The following DENND4A variants were observed in gnomAD, a reference collection of about 807,000 sequenced individuals.
The protein encoded by DENND4A is C-myc promoter-binding protein.
In DENND4A, 70 loss-of-function variants were observed where a neutral mutation model predicts 199.3. The ratio of observed to expected loss-of-function variants is 0.35; its 90% CI spans 0.29 to 0.43. The LOEUF is 0.43. Ranked by LOEUF, DENND4A falls within the 20% of genes least tolerant of loss-of-function variation. DENND4A has a pLI of 1.00. For missense variants in DENND4A, 1,723 were observed against 2,255.8 expected, an observed-to-expected ratio of 0.76 and a Z score of 4.78; for synonymous variants, 686 against 766.9, an observed-to-expected ratio of 0.89 and a Z score of 1.74.
intron 1 of DENND4A, among the ~76,000 whole-genome samples, chr15:65,784,105 C>A (rs1405421253): frequency 3.3e-5 from 5 of 152,220 alleles, no homozygotes; most frequent in African/African-American, 9.6e-5. Context: ...TCTCCTCCCC[C>A]AAACCCATAA....
chr15:65,740,651 G>A (rs2076236261), intron 5 of DENND4A, among the ~76,000 whole-genome samples: 1 of 151,166 alleles, frequency 6.6e-6, no homozygotes, highest in African/African-American at 2.4e-5. Context: ...AAAAAAAGGT[G>A]ATAAATTGTA....
chr15:65,744,996 T>C (rs1182977528), intron 4 of DENND4A, among the ~76,000 whole-genome samples: 1 of 152,242 alleles, frequency 6.6e-6, no homozygotes, highest in Non-Finnish European at 1.5e-5. Flanking sequence ...TGTCTGAATA[T>C]AAATTATTTT....
intron 1 of DENND4A, among the ~76,000 whole-genome samples, chr15:65,778,638 C>A (rs1387590806): frequency 2.0e-5 from 3 of 152,042 alleles, no homozygotes; most frequent in African/African-American, 7.2e-5. Flanking sequence ...GTGGCTCATG[C>A]CTGTAATCCC....
At chr15:65,731,374 T>C (rs1162917739) in intron 9 of DENND4A, 1 of 494,534 alleles carries the variant, frequency 2.0e-6, no homozygotes, top group Non-Finnish European at 3.9e-6. Flanking sequence ...GTTCTCATCA[T>C]CTACATACAT....
intron 22 of DENND4A, among the ~76,000 whole-genome samples, chr15:65,691,756 C>T (rs1381379766): frequency 6.6e-6 from 1 of 151,950 alleles, no homozygotes; most frequent in African/African-American, 2.4e-5. Flanking sequence ...TTACCCAGTC[C>T]TTAAGAGACA....
At chr15:65,675,435 G>A (rs1045726578) in intron 24 of DENND4A, among the ~76,000 whole-genome samples, 1 of 151,728 alleles carries the variant, frequency 6.6e-6, no homozygotes, top group East Asian at 1.9e-4. Flanking sequence ...TACATTTGAT[G>A]ATATAGAATT....
chr15:65,778,309 T>C (rs1237487995), intron 1 of DENND4A, among the ~76,000 whole-genome samples: 1 of 152,138 alleles, frequency 6.6e-6, no homozygotes, highest in Non-Finnish European at 1.5e-5. Context: ...GAGGTTTTTC[T>C]TCTCTGGTGA....
chr15:65,760,429 C>T (rs914323293), intron 2 of DENND4A, among the ~76,000 whole-genome samples: 10 of 152,072 alleles, frequency 6.6e-5, no homozygotes, highest in African/African-American at 1.4e-4. Context: ...ACCTGGGAGG[C>T]GGAGGTTGCA....
intron 9 of DENND4A, among the ~76,000 whole-genome samples, chr15:65,730,700 G>C (rs55653428): frequency 6.6e-6 from 1 of 152,038 alleles, no homozygotes; most frequent in Non-Finnish European, 1.5e-5. Context: ...TGGTTGACTA[G>C]GGCTGCAGAG....
rs2075371919 is a variant in DENND4A at position 65,715,551 on chromosome 15, C to T, written c.1880G>A (p.Arg627His). 1.9e-6 allele frequency: 3 copies of T among 1,608,204 alleles called. No homozygotes were observed. The highest frequency in any genetic ancestry group is 8.5e-7 in the Non-Finnish European group (1 of 1,177,842). ...NMMTKTQMFI[R>H]FIEECSFVSD... ...AACAAAAGAACATTCTTCAATGAAG[C>T]GAATAAACATTTGTGTTTTGGTCAT... Residue 627 changes from arginine (R) to histidine (H), a missense_variant, in exon 14 of 33, where the codon CGC becomes CAC. This residue lies in a region of DENND4A where 725 missense variants were observed against 952.9 expected (regional missense o/e 0.76). Coordinates refer to ENST00000443035, the MANE Select transcript of DENND4A (RefSeq NM_001320835.1).
intron 13 of DENND4A, among the ~76,000 whole-genome samples, chr15:65,716,843 C>T (rs2075421973): frequency 6.6e-6 from 1 of 151,918 alleles, no homozygotes; most frequent in Non-Finnish European, 1.5e-5. Flanking sequence ...AATGGTTGAA[C>T]TAGTTTACAG....
chr15:65,730,204 C>T (rs1170034942), intron 9 of DENND4A, among the ~76,000 whole-genome samples: 2 of 151,914 alleles, frequency 1.3e-5, no homozygotes, highest in Non-Finnish European at 2.9e-5. Context: ...TCAAGAGGTA[C>T]AAGATGATAA....
At chr15:65,781,617 C>T (rs1402879116) in intron 1 of DENND4A, among the ~76,000 whole-genome samples, 2 of 152,016 alleles carry the variant, frequency 1.3e-5, no homozygotes, top group Admixed American at 6.6e-5. Context: ...TTGATGAAGT[C>T]AACAGTAGTC....
intron 1 of DENND4A, among the ~76,000 whole-genome samples, chr15:65,787,456 T>C (rs1417217224): frequency 1.3e-5 from 2 of 152,206 alleles, no homozygotes; most frequent in Non-Finnish European, 2.9e-5. Flanking sequence ...CTTTTTTGTC[T>C]CTTCTCTCTC....
intron 11 of DENND4A, chr15:65,727,866 C>T (rs1469466378): frequency 7.9e-6 from 3 of 379,314 alleles, no homozygotes; most frequent in African/African-American, 2.2e-5. Flanking sequence ...CTATAACTTA[C>T]ATATAAATTC....
chr15:65,681,865 G>A (rs2076589142), intron 23 of DENND4A, among the ~76,000 whole-genome samples: 2 of 152,078 alleles, frequency 1.3e-5, no homozygotes, highest in South Asian at 2.1e-4. Flanking sequence ...ACTGCACCTG[G>A]CAACTGCTTT....
At chr15:65,788,077 A>ATTTT (rs201917436) in intron 1 of DENND4A, among the ~76,000 whole-genome samples, 1 of 149,568 alleles carries the variant, frequency 6.7e-6, no homozygotes, top group Non-Finnish European at 1.5e-5. Flanking sequence ...TTATTTATTT[A>ATTTT]TTTATTTTTT....
At position 65,691,308 on chromosome 15, in the gene DENND4A, T is replaced by C. The variant is rs1324795661; in HGVS notation, c.3286A>G (p.Thr1096Ala). Residue 1096 changes from threonine to alanine, a missense_variant, in exon 23 of 33, where the codon ACC (threonine) becomes GCC (alanine). Coordinates refer to ENST00000443035, the MANE Select transcript of DENND4A (RefSeq NM_001320835.1). Reference sequence around the variant, plus strand: ...AATTTTTCAACTATATCTCCAGGGGTTGCTTCCTGGTTAATTCTATTGAGC... The same window carrying C: ...AATTTTTCAACTATATCTCCAGGGGCTGCTTCCTGGTTAATTCTATTGAGC... ...FMLNRINQEATPGDIVEKLGA... is the reference protein window; with the variant it reads ...FMLNRINQEAAPGDIVEKLGA... 1 of 1,613,396 alleles carries C rather than the reference T, an allele frequency of 6.2e-7. No individual in the cohort carries two copies. The highest frequency in any genetic ancestry group is 8.5e-7 in the Non-Finnish European group (1 of 1,179,674).
intron 1 of DENND4A, among the ~76,000 whole-genome samples, chr15:65,761,813 A>G (rs1197162904): frequency 6.6e-6 from 1 of 152,156 alleles, no homozygotes; most frequent in Non-Finnish European, 1.5e-5. Flanking sequence ...CCTCATTCAC[A>G]GGGGAAAAAT....
Sources: gnomAD v4.1 joint callset for allele counts (sites outside exome capture counted in the v4.1 genomes callset) on GRCh38, gnomAD v4.1.1 for gene constraint, gnomAD v4.1.1 regional missense constraint, MANE v1.5 for transcripts, NCBI Gene and HGNC (gene_info 2026-07-23, HGNC 2026-07-21) for gene names.